The following VPS13A variants were observed in gnomAD, a reference collection of about 807,000 sequenced individuals.
The protein encoded by VPS13A is intermembrane lipid transfer protein VPS13A.
Under a neutral mutation model 390.9 loss-of-function variants are expected in VPS13A, and 264 were observed. That is an observed-to-expected ratio of 0.68 (90% CI 0.61 to 0.75). VPS13A has a LOEUF of 0.75. Among genes scored for constraint, VPS13A ranks in the 30% least tolerant of loss-of-function variants. The probability of loss-of-function intolerance (pLI) is 0.00; values close to 1 mark genes in which losing one functional copy is unlikely to be tolerated. For missense variants in VPS13A, 3,409 were observed against 3,733.9 expected (o/e 0.91, Z 2.27); for synonymous variants, 1,231 against 1,227.1 (o/e 1.00, Z -0.07).
intron 7 of VPS13A, among the ~76,000 whole-genome samples, chr9:77,212,474 C>T (rs957359876): frequency 5.9e-5 from 9 of 151,962 alleles, no homozygotes; most frequent in African/African-American, 1.7e-4. Context: ...ATTGGATGCT[C>T]CTGCCATGCC....
At chr9:77,402,870 T>A (rs17063600) in intron 68 of VPS13A, among the ~76,000 whole-genome samples, 12,390 of 152,228 alleles carry the variant, frequency 0.081, 587 homozygotes, top group East Asian at 0.12. Flanking sequence ...ATGTTTAGAT[T>A]TGTGTTAGTA....
chr9:77,185,066 C>T (rs981545397), intron 1 of VPS13A, among the ~76,000 whole-genome samples: 5 of 152,060 alleles, frequency 3.3e-5, no homozygotes, highest in Non-Finnish European at 7.4e-5. Context: ...CAGATCACAG[C>T]CTGCGACTTG....
intron 68 of VPS13A, among the ~76,000 whole-genome samples, chr9:77,389,410 G>A (rs1833817644): frequency 6.6e-6 from 1 of 150,732 alleles, no homozygotes; most frequent in South Asian, 2.1e-4. Flanking sequence ...GACTGAAGTA[G>A]TCCTCCTGCT....
At chr9:77,303,432 G>A (rs1384130451) in intron 34 of VPS13A, among the ~76,000 whole-genome samples, 1 of 151,918 alleles carries the variant, frequency 6.6e-6, no homozygotes, top group Non-Finnish European at 1.5e-5. Flanking sequence ...GTGAAGGGGT[G>A]GCCTGCACCT....
intron 55 of VPS13A, 64 bp downstream of exon 55, chr9:77,356,931 T>TA: frequency 6.4e-7 from 1 of 1,570,412 alleles, no homozygotes; most frequent in Non-Finnish European, 8.7e-7. Flanking sequence ...GGTGAATCAC[T>TA]AGTGAAATTT....
At chr9:77,291,869 T>G (rs1827687899) in intron 31 of VPS13A, among the ~76,000 whole-genome samples, 1 of 152,194 alleles carries the variant, frequency 6.6e-6, no homozygotes, top group South Asian at 2.1e-4. Flanking sequence ...GGCATCTGAT[T>G]GATATCTCTC....
Position 77,368,152 on chromosome 9 carries a change from T to G in VPS13A, c.8553+16T>G, listed in dbSNP as rs1488462149. 6.3e-7 allele frequency: 1 copy of G among 1,599,578 alleles called. No individual in the cohort carries two copies. Among genetic ancestry groups the G allele is most frequent in the East Asian group, 2.2e-5 (1 of 44,658 alleles). ...TTCAAAACAGGTTTGTCTAAGATTA[T>G]ATTACAGAGGGACAGAGTGATACAG... On this transcript the variant is annotated intron_variant, in intron 62 of 71. Transcript: ENST00000360280.
chr9:77,182,719 C>G (rs927090527), intron 1 of VPS13A, among the ~76,000 whole-genome samples: 1 of 152,122 alleles, frequency 6.6e-6, no homozygotes, highest in African/African-American at 2.4e-5. Context: ...ATTTTGTTTT[C>G]TCCGAAATCA....
chr9:77,396,879 T>A (rs2131637497), intron 68 of VPS13A, among the ~76,000 whole-genome samples: 1 of 152,356 alleles, frequency 6.6e-6, no homozygotes, highest in South Asian at 2.1e-4. Flanking sequence ...ATGCTTCCTC[T>A]TTCCCACTCA....
rs147160108 is a variant in VPS13A, at chr9:77,370,462, G to T, written c.8791G>T (p.Gly2931Trp). The change falls in exon 65 of 72, where the codon GGG (glycine) becomes TGG (tryptophan). Residue 2931 changes from glycine (G) to tryptophan (W), a missense_variant. This residue lies in a region of VPS13A where 318 missense variants were observed against 333.7 expected (regional missense o/e 0.95). Coordinates refer to ENST00000360280, the MANE Select transcript of VPS13A (RefSeq NM_033305.3). ...CAAAATCACCGGTGCTATGGCTAAGGGGGTAGCAGCTATGACCATGGATGA... is the reference window on the plus strand; with the variant it reads ...CAAAATCACCGGTGCTATGGCTAAGTGGGTAGCAGCTATGACCATGGATGA... ...ASKITGAMAK[G>W]VAAMTMDEDY... 1 of 1,614,000 alleles carries T rather than the reference G, an allele frequency of 6.2e-7. No individual in the cohort carries two copies. Among genetic ancestry groups the T allele is most frequent in the South Asian group, 1.1e-5 (1 of 91,086 alleles).
At chr9:77,318,841 A>G (rs1829560803) in intron 41 of VPS13A, among the ~76,000 whole-genome samples, 1 of 152,176 alleles carries the variant, frequency 6.6e-6, no homozygotes, top group Non-Finnish European at 1.5e-5. Context: ...GATTTTATCA[A>G]CTTAAAGATA....
At chr9:77,407,293 A>T (rs1587730343) in intron 70 of VPS13A, among the ~76,000 whole-genome samples, 1 of 152,214 alleles carries the variant, frequency 6.6e-6, no homozygotes, top group African/African-American at 2.4e-5. Flanking sequence ...TTAGCAATTA[A>T]AATATCACCT....
At chr9:77,298,626 A>G (rs1828152334) in intron 33 of VPS13A, among the ~76,000 whole-genome samples, 1 of 152,150 alleles carries the variant, frequency 6.6e-6, no homozygotes, top group South Asian at 2.1e-4. Flanking sequence ...GTGTGACCGA[A>G]GGTAGTGGAA....
At chr9:77,326,056 C>G (rs139404376) in intron 45 of VPS13A, among the ~76,000 whole-genome samples, 1 of 152,054 alleles carries the variant, frequency 6.6e-6, no homozygotes, top group Non-Finnish European at 1.5e-5. Flanking sequence ...GGTTTTTCCC[C>G]CCATACTTTA....
chr9:77,273,686 G>A (rs756906938), intron 24 of VPS13A, among the ~76,000 whole-genome samples: 35 of 152,108 alleles, frequency 2.3e-4, no homozygotes, highest in Non-Finnish European at 4.4e-4. Context: ...GGGGTTGCTG[G>A]GGAGGCAAGG....
chr9:77,411,660 CA>C (rs1169254413), intron 71 of VPS13A, among the ~76,000 whole-genome samples: 883 of 33,830 alleles, frequency 0.026, 2 homozygotes, highest in Non-Finnish European at 0.029. Context: ...AACTCCATCT[CA>C]AAAAAAAAAA....
intron 3 of VPS13A, among the ~76,000 whole-genome samples, chr9:77,201,613 T>A (rs903129280): frequency 1.3e-5 from 2 of 152,200 alleles, no homozygotes; most frequent in African/African-American, 4.8e-5. Flanking sequence ...GATATCCTAA[T>A]ACATTACATA....
Position 77,416,227 on chromosome 9 carries a change from C to T in VPS13A, c.*221C>T, listed in dbSNP as rs1406434962. 1.6e-5 allele frequency: 8 copies of T among 485,450 alleles called. No individual in the cohort carries two copies. Among genetic ancestry groups the T allele is most frequent in the East Asian group, 3.6e-5 (1 of 27,510 alleles). 30.1% of individuals were successfully genotyped at this position (485,450 alleles called of 1,614,324 possible). On this transcript the variant is annotated 3_prime_UTR_variant, in exon 72 of 72. Coordinates refer to ENST00000360280, the MANE Select transcript of VPS13A (RefSeq NM_033305.3). ...ATATTTTAATTCTTCAGCAATTACC[C>T]GGTTTTCTAAATTGAATCATGCATC...
At chr9:77,267,943 TC>T (rs1415839482) in intron 23 of VPS13A, among the ~76,000 whole-genome samples, 1 of 152,208 alleles carries the variant, frequency 6.6e-6, no homozygotes, top group Non-Finnish European at 1.5e-5. Context: ...AATTTGAACT[TC>T]CAGGCAACTT....
Sources: allele counts gnomAD v4.1 joint callset (sites outside exome capture counted in the v4.1 genomes callset), GRCh38; gene constraint gnomAD v4.1.1; regional missense constraint gnomAD v4.1.1; transcripts MANE v1.5; gene names NCBI Gene and HGNC (gene_info 2026-07-23, HGNC 2026-07-21).